The following AP3S2 variants were observed in gnomAD, a reference collection of about 807,000 sequenced individuals.
The protein encoded by AP3S2 is adaptor related protein complex 3 subunit sigma 2, also known as AP-3 complex subunit sigma-2.
Under a neutral mutation model 23.4 loss-of-function variants are expected in AP3S2, and 22 were observed. The observed-to-expected ratio is 0.94, with a 90% confidence interval of 0.67 to 1.34. The LOEUF is 1.34. Among genes scored for constraint, AP3S2 ranks in the 40% most tolerant of loss-of-function variants. AP3S2 has a pLI of 0.00. For missense variants in AP3S2, 241 were observed against 236.9 expected (o/e 1.02, Z -0.11); for synonymous variants, 86 against 87.1 (o/e 0.99, Z 0.07).
At chr15:89,874,903 G>A (rs981491212) in intron 3 of AP3S2, among the ~76,000 whole-genome samples, 2 of 152,084 alleles carry the variant, frequency 1.3e-5, no homozygotes, top group African/African-American at 4.8e-5. Flanking sequence ...AATAAGAGTC[G>A]TATTTTAAGT....
At chr15:89,889,348 G>A in intron 1 of AP3S2, 1 of 567,594 alleles carries the variant, frequency 1.8e-6, no homozygotes, top group Non-Finnish European at 3.1e-6. Context: ...ATTAAGATAG[G>A]GTATATTTAC....
intron 1 of AP3S2, 112 bp downstream of exon 1, chr15:89,893,769 G>T (rs564415565): frequency 4.7e-6 from 5 of 1,062,172 alleles, no homozygotes; most frequent in Admixed American, 2.2e-5. Flanking sequence ...CATGCTCGGT[G>T]CAGGAGCCCC....
At chr15:89,871,683 C>T (rs1021077845) in intron 3 of AP3S2, 137 bp from the exon 4 acceptor site, 4 of 824,566 alleles carry the variant, frequency 4.9e-6, no homozygotes, top group Middle Eastern at 3.3e-4. Flanking sequence ...AAAACACCTA[C>T]CTTTTGTCTC....
chr15:89,835,779 G>C (rs1895177031), intron 5 of AP3S2, 136 bp from the exon 6 acceptor site: 1 of 1,370,410 alleles, frequency 7.3e-7, no homozygotes, highest in Non-Finnish European at 9.6e-7. Flanking sequence ...TGTAATCCCA[G>C]CACTTTGGGA....
Position 89,832,155 on chromosome 15 carries a change from A to G in AP3S2, c.*3360T>C, listed in dbSNP as rs1241418648. The G allele has an allele frequency of 6.6e-6, 1 of 152,160 alleles. No individual in the cohort carries two copies. Among genetic ancestry groups the G allele is most frequent in the Non-Finnish European group, 1.5e-5 (1 of 68,028 alleles). The allele number at this position is 152,160 out of a possible 1,614,324, so 9.4% of individuals were successfully genotyped here. A position where few individuals can be genotyped will look rare whatever the true frequency, so the allele number is the denominator to read the frequency against. On this transcript the variant is annotated 3_prime_UTR_variant, in exon 6 of 6. Coordinates refer to ENST00000336418, the MANE Select transcript of AP3S2 (RefSeq NM_005829.5). ...TAGTGGCAGTGAGCACTGAAAACCC[A>G]GTATTTGGCCAGGTCCAGTGGCTCA...
rs1360361487 is a variant in AP3S2 at position 89,832,953 on chromosome 15, T to C, written c.*2562A>G. 6.6e-6 allele frequency: 1 copy of C among 152,218 alleles called. No homozygotes were observed. The highest frequency in any genetic ancestry group is 1.5e-5 in the Non-Finnish European group (1 of 68,046). 9.4% of individuals were successfully genotyped at this position (152,218 alleles called of 1,614,324 possible). ...AAAGTGGGCTTCAGTTTTATGTCAT[T>C]GTAAGAGGCCATGTGAGGGATGTTT... On this transcript the variant is annotated 3_prime_UTR_variant, in exon 6 of 6. Transcript: ENST00000336418.
rs1295394715 is a variant in AP3S2, at chr15:89,858,521, GAGAGAA to G, written c.345+12948_345+12953del. Among the ~76,000 whole-genome samples, 444 of 49,768 alleles carry G rather than the reference GAGAGAA, an allele frequency of 8.9e-3. 1 individual carries two copies. The highest frequency in any genetic ancestry group is 0.017 in the Admixed American group (55 of 3,278). 32.6% of individuals were successfully genotyped at this position (49,768 alleles called of 152,430 possible). A position where few individuals can be genotyped will look rare whatever the true frequency, so the allele number is the denominator to read the frequency against. ...AGAGAGAGAGAGAGAGAGAGAGAGA[GAGAGAA>G]AGAAAGAAAGAAAGAAAGAAAGAAA... On this transcript the variant is annotated intron_variant, in intron 4 of 5. Coordinates refer to ENST00000336418, the MANE Select transcript of AP3S2 (RefSeq NM_005829.5).
intron 1 of AP3S2, among the ~76,000 whole-genome samples, chr15:89,889,645 C>T (rs1359329028): frequency 6.6e-6 from 1 of 151,880 alleles, no homozygotes; most frequent in African/African-American, 2.4e-5. Flanking sequence ...ACCAGCCTGA[C>T]CAATATGGTG....
chr15:89,845,639 T>C (rs1895469233), intron 4 of AP3S2: 1 of 152,062 alleles, frequency 6.6e-6, no homozygotes. Flanking sequence ...CCTGCAGAAA[T>C]CTAAGTAAAT....
Position 89,871,484 on chromosome 15 carries a change from A to T in AP3S2, c.336T>A (p.His112Gln). 6.2e-7 allele frequency: 1 copy of T among 1,613,664 alleles called. No homozygotes were observed. The highest frequency in any genetic ancestry group is 8.5e-7 in the Non-Finnish European group (1 of 1,179,882). The change falls in exon 4 of 6, where the codon CAT (histidine) becomes CAA (glutamine). Residue 112 changes from histidine (H) to glutamine (Q), a missense_variant. Transcript: ENST00000336418. ...CTGCAAGAGAATATACCTTATCCAT[A>T]TGGAAGATCAAATCCAATTCACACA... The part of the protein sequence containing the change: ...ENVCELDLIF[H>Q]MDKVHYILQE...
intron 5 of AP3S2, among the ~76,000 whole-genome samples, chr15:89,835,943 G>A (rs1331360034): frequency 1.3e-5 from 2 of 152,076 alleles, no homozygotes; most frequent in Non-Finnish European, 2.9e-5. Context: ...CAGGAAAATC[G>A]CTTGAACTCA....
chr15:89,871,666 A>C, intron 3 of AP3S2, 120 bp from the exon 4 acceptor site: 11 of 1,024,690 alleles, frequency 1.1e-5, no homozygotes, highest in Non-Finnish European at 1.5e-5. Flanking sequence ...GATAAATCTC[A>C]AAAATTAAAA....
At chr15:89,859,362 T>TTTCC (rs1322730022) in intron 4 of AP3S2, among the ~76,000 whole-genome samples, 128 of 134,304 alleles carry the variant, frequency 9.5e-4, no homozygotes, top group African/African-American at 3.0e-3. Flanking sequence ...CTTTCCTTCC[T>TTTCC]TTCCTTCCTT....
chr15:89,838,995 C>A (rs1434482857), intron 4 of AP3S2, among the ~76,000 whole-genome samples: 1 of 152,070 alleles, frequency 6.6e-6, no homozygotes, highest in Non-Finnish European at 1.5e-5. Context: ...CATCTGGGAC[C>A]AGATAATCCT....
intron 3 of AP3S2, among the ~76,000 whole-genome samples, chr15:89,882,412 A>G (rs1335597907): frequency 6.8e-6 from 1 of 147,532 alleles, no homozygotes; most frequent in African/African-American, 2.5e-5. Context: ...TGCCCGGGCC[A>G]GAGTACAATT....
chr15:89,843,660 A>C (rs1184328304), intron 4 of AP3S2, among the ~76,000 whole-genome samples: 1 of 152,036 alleles, frequency 6.6e-6, no homozygotes. Context: ...AACAAAAGTT[A>C]GCTGGGCAGA....
At chr15:89,835,859 C>G (rs984910357) in intron 5 of AP3S2, among the ~76,000 whole-genome samples, 2 of 152,118 alleles carry the variant, frequency 1.3e-5, no homozygotes, top group Non-Finnish European at 2.9e-5. Flanking sequence ...GAAACCCCAT[C>G]TCTACCAAAA....
intron 4 of AP3S2, among the ~76,000 whole-genome samples, chr15:89,861,883 G>T (rs1896015333): frequency 6.6e-6 from 1 of 152,200 alleles, no homozygotes. Flanking sequence ...ATGAGGGCAA[G>T]CTTTAGGGTG....
intron 4 of AP3S2, among the ~76,000 whole-genome samples, chr15:89,846,393 T>A (rs575546627): frequency 6.6e-6 from 1 of 152,128 alleles, no homozygotes; most frequent in Non-Finnish European, 1.5e-5. Flanking sequence ...GGTCTCACTC[T>A]GTCGCCCAGG....
Sources: allele counts gnomAD v4.1 joint callset (sites outside exome capture counted in the v4.1 genomes callset), GRCh38; gene constraint gnomAD v4.1.1; transcripts MANE v1.5; gene names NCBI Gene and HGNC (gene_info 2026-07-23, HGNC 2026-07-21).